Variants in STAC observed in about 807,000 individuals in gnomAD.
STAC encodes the protein SH3 and cysteine rich domain.
In STAC, 43 loss-of-function variants were observed where a neutral mutation model predicts 48.8. That is an observed-to-expected ratio of 0.88 (90% CI 0.69 to 1.14). The LOEUF is 1.14. Among genes scored for constraint, STAC ranks in the 50% most tolerant of loss-of-function variants. The pLI is 0.00. For missense variants in STAC, 497 were observed against 504.0 expected (o/e 0.99, Z 0.13); for synonymous variants, 193 against 179.5 (o/e 1.07, Z -0.60).
At chr3:36,490,184 CA>C (rs1397639715) in intron 5 of STAC, among the ~76,000 whole-genome samples, 1 of 152,160 alleles carries the variant, frequency 6.6e-6, no homozygotes, top group Non-Finnish European at 1.5e-5. Context: ...ACAGTGGCCA[CA>C]AGCCTGGATC....
At chr3:36,471,674 A>G (rs1243493401) in intron 2 of STAC, among the ~76,000 whole-genome samples, 3 of 152,218 alleles carry the variant, frequency 2.0e-5, no homozygotes. Flanking sequence ...TCCAAAATTC[A>G]GTGGGGCTGT....
intron 8 of STAC, among the ~76,000 whole-genome samples, chr3:36,516,985 G>A (rs1698689229): frequency 6.6e-6 from 1 of 152,056 alleles, no homozygotes; most frequent in African/African-American, 2.4e-5. Flanking sequence ...CTTTGAGCAG[G>A]CCCAATGAGA....
intron 6 of STAC, among the ~76,000 whole-genome samples, chr3:36,498,182 A>G (rs547619064): frequency 2.0e-5 from 3 of 152,236 alleles, no homozygotes; most frequent in Non-Finnish European, 4.4e-5. Context: ...AAAATGGACC[A>G]TAAAACATAA....
At chr3:36,539,367 C>A (rs776320062) in intron 10 of STAC, among the ~76,000 whole-genome samples, 6 of 152,192 alleles carry the variant, frequency 3.9e-5, no homozygotes, top group Middle Eastern at 6.8e-3. Context: ...CCCTTCACCC[C>A]CTAAAAGGTC....
At chr3:36,485,294 C>G (rs1371130042) in intron 4 of STAC, among the ~76,000 whole-genome samples, 1 of 152,120 alleles carries the variant, frequency 6.6e-6, no homozygotes, top group Non-Finnish European at 1.5e-5. Context: ...CCAAAGGCTA[C>G]TGATTAGTAA....
Position 36,504,403 on chromosome 3 carries a change from T to C in STAC, c.777T>C (p.Tyr259=), listed in dbSNP as rs143658752. Residue 259 remains tyrosine (Y), a synonymous_variant, in exon 7 of 11, where the codon TAT becomes TAC. Coordinates refer to ENST00000273183, the MANE Select transcript of STAC (RefSeq NM_003149.3). The part of the protein sequence containing the change: ...LRKRSNSVFT[Y]PENGTDDFRD... Reference sequence around the variant, plus strand: ...TCTTGTCTCCTTCAGTGTTTACATATCCAGAAAATGGCACTGATGATTTCA... The same window carrying C: ...TCTTGTCTCCTTCAGTGTTTACATACCCAGAAAATGGCACTGATGATTTCA... 1.2e-6 allele frequency: 2 copies of C among 1,613,054 alleles called. No homozygotes were observed. The highest frequency in any genetic ancestry group is 2.7e-5 in the African/African-American group (2 of 74,888).
At chr3:36,479,196 T>C (rs1438658329) in intron 2 of STAC, among the ~76,000 whole-genome samples, 1 of 152,182 alleles carries the variant, frequency 6.6e-6, no homozygotes, top group East Asian at 1.9e-4. Context: ...GATTGGAAAA[T>C]ATCTTTATTC....
At chr3:36,540,098 A>G (rs572082516) in intron 10 of STAC, among the ~76,000 whole-genome samples, 1 of 152,186 alleles carries the variant, frequency 6.6e-6, no homozygotes, top group South Asian at 2.1e-4. Flanking sequence ...AGAGAGAGAG[A>G]GAGATTTGAA....
chr3:36,466,836 A>C (rs1469123790), intron 2 of STAC, among the ~76,000 whole-genome samples: 2 of 151,276 alleles, frequency 1.3e-5, no homozygotes, highest in Non-Finnish European at 2.9e-5. Flanking sequence ...GATGCCCTTT[A>C]TTTCTTTCTC....
chr3:36,457,281 G>A (rs1321419752), intron 2 of STAC, among the ~76,000 whole-genome samples: 1 of 152,122 alleles, frequency 6.6e-6, no homozygotes, highest in Non-Finnish European at 1.5e-5. Flanking sequence ...TGGATCAAGT[G>A]GTCTTGGACA....
At position 36,546,294 on chromosome 3, in the gene STAC, T is replaced by C; in HGVS notation, c.*5T>C. 4 of 1,613,142 alleles carry C rather than the reference T, an allele frequency of 2.5e-6. No homozygotes were observed. Among genetic ancestry groups the C allele is most frequent in the Non-Finnish European group, 3.4e-6 (4 of 1,179,106 alleles). ...GATGTACTAGAAAACATCTGATTGC[T>C]GGCTCCTCCTCCGTTTGCAGTAGGC... On this transcript the variant is annotated 3_prime_UTR_variant, in exon 11 of 11. Transcript: ENST00000273183.
intron 1 of STAC, among the ~76,000 whole-genome samples, chr3:36,411,040 T>TATCA (rs1394149612): frequency 6.6e-6 from 1 of 152,200 alleles, no homozygotes; most frequent in Non-Finnish European, 1.5e-5. Context: ...TCACACTGTC[T>TATCA]ATCATCTAAG....
chr3:36,534,576 A>G (rs1300784679), intron 10 of STAC, among the ~76,000 whole-genome samples: 1 of 148,830 alleles, frequency 6.7e-6, no homozygotes, highest in African/African-American at 2.5e-5. Flanking sequence ...TCTCATAATT[A>G]TTGTATTTTT....
intron 1 of STAC, among the ~76,000 whole-genome samples, chr3:36,384,214 CT>C: frequency 3.9e-5 from 6 of 152,276 alleles, no homozygotes; most frequent in Admixed American, 3.9e-4. Context: ...ACATAGAAAG[CT>C]TGCTAGTGTC....
intron 1 of STAC, among the ~76,000 whole-genome samples, chr3:36,402,696 GAAT>G (rs1465034255): frequency 2.0e-5 from 3 of 152,108 alleles, no homozygotes; most frequent in Non-Finnish European, 2.9e-5. Context: ...CTCTATACAG[GAAT>G]AATAAGAAGG....
chr3:36,546,617 A>G lies in STAC; in HGVS notation c.*328A>G, dbSNP rs1699453526. On this transcript the variant is annotated 3_prime_UTR_variant, in exon 11 of 11. Transcript: ENST00000273183. The stretch of plus-strand genomic sequence containing the variant: ...TCCTGTCTGTGTGGTGTAAGTTAAC[A>G]CACTGGAGTGTGCTCCAGTTTGCAG... 2.7e-6 allele frequency: 1 copy of G among 374,840 alleles called. No homozygotes were observed. Among genetic ancestry groups the G allele is most frequent in the Non-Finnish European group, 4.9e-6 (1 of 202,970 alleles). 23.2% of individuals were successfully genotyped at this position (374,840 alleles called of 1,614,324 possible).
At position 36,388,825 on chromosome 3, in the gene STAC, T is replaced by G. The variant is rs529927365; in HGVS notation, c.111+8071T>G. Among the ~76,000 whole-genome samples the G allele has an allele frequency of 1.1e-4, 17 of 152,256 alleles. No homozygotes were observed. In the East Asian group the frequency reaches 3.1e-3, roughly 28 times the overall value. Reference sequence around the variant, plus strand: ...AGAGTTATCTGTCATATTCTAATGTTTTGTAACTTTATTTTTGCACTTATT... The same window carrying G: ...AGAGTTATCTGTCATATTCTAATGTGTTGTAACTTTATTTTTGCACTTATT... On this transcript the variant is annotated intron_variant, in intron 1 of 10. Transcript: ENST00000273183.
At chr3:36,513,304 C>T (rs1048113940) in intron 8 of STAC, among the ~76,000 whole-genome samples, 1 of 152,198 alleles carries the variant, frequency 6.6e-6, no homozygotes, top group Non-Finnish European at 1.5e-5. Flanking sequence ...CACAAACCTG[C>T]CCCTTAGGAT....
At chr3:36,523,269 C>G (rs1698849191) in intron 8 of STAC, among the ~76,000 whole-genome samples, 1 of 152,212 alleles carries the variant, frequency 6.6e-6, no homozygotes, top group South Asian at 2.1e-4. Context: ...ATATAACTAA[C>G]TTGCAAATCT....
Sources: allele counts gnomAD v4.1 joint callset (sites outside exome capture counted in the v4.1 genomes callset), GRCh38; gene constraint gnomAD v4.1.1; transcripts MANE v1.5; gene names NCBI Gene and HGNC (gene_info 2026-07-23, HGNC 2026-07-21).